The following BABAM2 variants were observed in gnomAD, a reference collection of about 807,000 sequenced individuals.
BABAM2 encodes the protein BRISC and BRCA1 A complex member 2, also known as BRISC and BRCA1-A complex member 2.
BABAM2 carries 31 observed loss-of-function variants against 54.7 expected under a neutral mutation model. The ratio of observed to expected loss-of-function variants is 0.57; its 90% CI spans 0.43 to 0.77. The LOEUF is 0.77. BABAM2 is among the 30% of genes least tolerant of loss of function. BABAM2 has a pLI of 0.00. For missense variants in BABAM2, 364 were observed against 455.8 expected (o/e 0.80, Z 1.83); for synonymous variants, 167 against 162.9 (o/e 1.03, Z -0.19).
At position 28,260,825 on chromosome 2, in the gene BABAM2, A is replaced by T. The variant is rs12714228; in HGVS notation, c.934+15963A>T. 2.6e-5 allele frequency among the ~76,000 whole-genome samples: 4 copies of T among 152,038 alleles called. No individual in the cohort carries two copies. In the South Asian group the frequency reaches 8.3e-4, roughly 32 times the overall value. On this transcript the variant is annotated intron_variant, in intron 10 of 11. Coordinates refer to ENST00000379624, the MANE Select transcript of BABAM2 (RefSeq NM_199191.3). The stretch of plus-strand genomic sequence containing the variant: ...CATTTATTTCAATCTTTCATTTCCC[A>T]TAGCAATGTTTTGTAGTTTTCAATA...
At chr2:27,997,073 T>C (rs1484357444) in intron 4 of BABAM2, among the ~76,000 whole-genome samples, 1 of 152,114 alleles carries the variant, frequency 6.6e-6, no homozygotes, top group Non-Finnish European at 1.5e-5. Flanking sequence ...TTGGTAAGAA[T>C]ACAGAATTAA....
chr2:28,105,882 T>C (rs747563714), intron 6 of BABAM2, among the ~76,000 whole-genome samples: 80 of 152,002 alleles, frequency 5.3e-4, no homozygotes, highest in Admixed American at 1.1e-3. Flanking sequence ...TATAAATATG[T>C]ACCATAAAAC....
chr2:28,009,702 G>A (rs1212346860), intron 4 of BABAM2, among the ~76,000 whole-genome samples: 1 of 152,124 alleles, frequency 6.6e-6, no homozygotes, highest in Non-Finnish European at 1.5e-5. Flanking sequence ...GAGACGGATG[G>A]CAGTAGTTTA....
At chr2:28,174,089 T>C (rs1180194700) in intron 7 of BABAM2, among the ~76,000 whole-genome samples, 1 of 152,198 alleles carries the variant, frequency 6.6e-6, no homozygotes, top group African/African-American at 2.4e-5. Flanking sequence ...TTCCAGCCAA[T>C]TCAAATAAAA....
At chr2:28,174,294 G>C (rs925552833) in intron 7 of BABAM2, among the ~76,000 whole-genome samples, 3 of 152,140 alleles carry the variant, frequency 2.0e-5, no homozygotes, top group Admixed American at 6.5e-5. Context: ...ACCTGTCCTC[G>C]TGGAGATTCC....
intron 6 of BABAM2, among the ~76,000 whole-genome samples, chr2:28,046,035 T>G (rs551617964): frequency 4.6e-5 from 7 of 152,294 alleles, no homozygotes; most frequent in African/African-American, 1.4e-4. Context: ...ATAAGTGAAT[T>G]AAACTTTGGG....
intron 6 of BABAM2, among the ~76,000 whole-genome samples, chr2:28,105,228 C>CAA (rs370192702): frequency 5.8e-4 from 85 of 146,220 alleles, no homozygotes; most frequent in African/African-American, 2.1e-3. Flanking sequence ...TTTGTGATGT[C>CAA]AAAAAAAAAA....
At chr2:27,890,423 T>A (rs1019217645), upstream of BABAM2, 7 of 1,406,250 alleles carry the variant, frequency 5.0e-6, no homozygotes, top group Admixed American at 1.4e-4. This position sits in a 1 kb window ranked among gnomAD's most constrained non-coding sequence, Gnocchi z 4.8. Flanking sequence ...ACGCCACTCC[T>A]GCCCTCCCTA....
At position 28,134,332 on chromosome 2, in the gene BABAM2, A is replaced by G. The variant is rs571885305; in HGVS notation, c.680+4952A>G. On this transcript the variant is annotated intron_variant, in intron 7 of 11. Transcript: ENST00000379624. ...CCCTGGCAGAAAAGCTGTGAGTTTT[A>G]AGGTTACATCATCAGAGCTGGCGTG... 4.6e-5 allele frequency: 7 copies of G among 152,232 alleles called. No individual in the cohort carries two copies. In the East Asian group the frequency reaches 1.2e-3, roughly 25 times the overall value. 9.4% of individuals were successfully genotyped at this position (152,232 alleles called of 1,614,324 possible).
chr2:28,026,860 A>G (rs1187244415), intron 5 of BABAM2, among the ~76,000 whole-genome samples: 1 of 83,126 alleles, frequency 1.2e-5, no homozygotes, highest in Non-Finnish European at 2.1e-5. Context: ...ATTTATATAT[A>G]TAGATATATA....
chr2:28,244,369 G>A lies in BABAM2; in HGVS notation c.852-411G>A, dbSNP rs1033300400. On this transcript the variant is annotated intron_variant, in intron 9 of 11. Transcript: ENST00000379624. ...AGGTAGTATGCTGACATTTGGCATT[G>A]TAGTGTCATTGCTGACTTGATTTCT... Among the ~76,000 whole-genome samples the A allele has an allele frequency of 8.5e-5, 13 of 152,302 alleles. 1 individual carries two copies. In the Middle Eastern group the frequency reaches 0.01, roughly 120 times the overall value.
At chr2:28,221,017 A>G (rs1478653936) in intron 7 of BABAM2, among the ~76,000 whole-genome samples, 1 of 152,128 alleles carries the variant, frequency 6.6e-6, no homozygotes, top group African/African-American at 2.4e-5. Flanking sequence ...CCAAGTGGGA[A>G]GTGAAGTAAA....
intron 6 of BABAM2, among the ~76,000 whole-genome samples, chr2:28,128,640 C>G (rs181611370): frequency 6.6e-6 from 1 of 152,290 alleles, no homozygotes; most frequent in East Asian, 1.9e-4. Flanking sequence ...TGGTTAATCT[C>G]AAATGTTTAT....
At chr2:28,336,638 G>T (rs751786857) in intron 11 of BABAM2, among the ~76,000 whole-genome samples, 4 of 152,224 alleles carry the variant, frequency 2.6e-5, no homozygotes, top group Non-Finnish European at 5.9e-5. Flanking sequence ...TCCAGAGAGA[G>T]GAGCTGACGT....
chr2:28,060,643 G>T (rs1678782313), intron 6 of BABAM2, among the ~76,000 whole-genome samples: 1 of 152,108 alleles, frequency 6.6e-6, no homozygotes, highest in African/African-American at 2.4e-5. Context: ...TTGTAATGTT[G>T]CAGGATACAA....
Position 27,995,086 on chromosome 2 carries a change from A to G in BABAM2, c.300+6999A>G, listed in dbSNP as rs567212601. On this transcript the variant is annotated intron_variant, in intron 4 of 11. Coordinates refer to ENST00000379624, the MANE Select transcript of BABAM2 (RefSeq NM_199191.3). The surrounding 1 kb of genome is among the most constrained non-coding windows in gnomAD (Gnocchi z 4.1). ...CCTTTCCCCCATCACACCCCGTCAC[A>G]GCTGAGATTCCTACCTCCTTGTTGG... 6.6e-6 allele frequency among the ~76,000 whole-genome samples: 1 copy of G among 152,278 alleles called. No homozygotes were observed. Among genetic ancestry groups the G allele is most frequent in the Admixed American group, 6.5e-5 (1 of 15,286 alleles).
At chr2:28,115,842 T>G (rs1241711748) in intron 6 of BABAM2, among the ~76,000 whole-genome samples, 2 of 151,678 alleles carry the variant, frequency 1.3e-5, no homozygotes, top group Non-Finnish European at 2.9e-5. Flanking sequence ...AGGCCGGGCA[T>G]GGTGGCTCAT....
intron 7 of BABAM2, among the ~76,000 whole-genome samples, chr2:28,196,454 G>A (rs1216330915): frequency 4.6e-5 from 7 of 152,102 alleles, no homozygotes; most frequent in Non-Finnish European, 7.4e-5. Flanking sequence ...TGCCATTAAC[G>A]TGACATGTAT....
intron 4 of BABAM2, among the ~76,000 whole-genome samples, chr2:27,990,566 A>T (rs1393917006): frequency 6.6e-6 from 1 of 152,178 alleles, no homozygotes; most frequent in African/African-American, 2.4e-5. Context: ...GCCTTGCAGA[A>T]GGGCATGAGT....
Sources: allele counts gnomAD v4.1 joint callset (sites outside exome capture counted in the v4.1 genomes callset), GRCh38; gene constraint gnomAD v4.1.1; non-coding constraint Gnocchi (gnomAD v3.1); transcripts MANE v1.5; gene names NCBI Gene and HGNC (gene_info 2026-07-23, HGNC 2026-07-21).